POU2AF2: variants seen among roughly 807,000 people sequenced by gnomAD.
POU2AF2 encodes the protein POU domain class 2-associating factor 2.
chr11:111,263,666 C>A, the POU2AF2 span, among the ~76,000 whole-genome samples: 1 of 151,976 alleles, frequency 6.6e-6, no homozygotes, highest in African/African-American at 2.4e-5. Context: ...CTCCTGACCT[C>A]GTGATCTGCC....
chr11:111,274,183 G>A, the POU2AF2 span, among the ~76,000 whole-genome samples: 15 of 152,162 alleles, frequency 9.9e-5, no homozygotes, highest in Admixed American at 9.8e-4. Context: ...GGAGAAGCAA[G>A]TGGTAGCTCT....
the POU2AF2 span, chr11:111,281,424 A>G: frequency 5.0e-6 from 8 of 1,613,670 alleles, no homozygotes; most frequent in Non-Finnish European, 5.9e-6. Flanking sequence ...CTCAGTCTCC[A>G]TTTGTGCAGA....
chr11:111,268,475 T>C, the POU2AF2 span, among the ~76,000 whole-genome samples: 1 of 65,970 alleles, frequency 1.5e-5, no homozygotes, highest in Non-Finnish European at 3.7e-5. Flanking sequence ...TACATTTTTC[T>C]TTTTTTATTT....
the POU2AF2 span, among the ~76,000 whole-genome samples, chr11:111,262,390 A>T: frequency 6.6e-6 from 1 of 152,200 alleles, no homozygotes; most frequent in Non-Finnish European, 1.5e-5. Context: ...TTCCAGCAAG[A>T]CTGCTAGTTG....
chr11:111,267,394 C>T, the POU2AF2 span, among the ~76,000 whole-genome samples: 1 of 152,144 alleles, frequency 6.6e-6, no homozygotes, highest in Non-Finnish European at 1.5e-5. Context: ...CAGAGTGTGC[C>T]GTCCTGACCT....
chr11:111,276,420 A>G, the POU2AF2 span, among the ~76,000 whole-genome samples: 1 of 139,064 alleles, frequency 7.2e-6, no homozygotes, highest in Non-Finnish European at 1.5e-5. Flanking sequence ...ACATGGTGAA[A>G]CCCCATCTCT....
chr11:111,286,268 T>C, the POU2AF2 span: 2 of 532,486 alleles, frequency 3.8e-6, no homozygotes, highest in African/African-American at 4.0e-5. Context: ...GACCGTATTC[T>C]AGTAAGATAA....
the POU2AF2 span, among the ~76,000 whole-genome samples, chr11:111,282,082 GT>G: frequency 6.6e-6 from 1 of 151,936 alleles, no homozygotes; most frequent in Non-Finnish European, 1.5e-5. Flanking sequence ...TTGAAATTTG[GT>G]GGCATCTCCT....
the POU2AF2 span, among the ~76,000 whole-genome samples, chr11:111,268,206 T>C: frequency 2.6e-5 from 4 of 152,154 alleles, no homozygotes; most frequent in African/African-American, 7.2e-5. Flanking sequence ...GAATCTGTGA[T>C]GGGAAAAAGG....
the POU2AF2 span, among the ~76,000 whole-genome samples, chr11:111,249,091 C>A: frequency 6.6e-6 from 1 of 152,204 alleles, no homozygotes; most frequent in Non-Finnish European, 1.5e-5. Context: ...GAGTCGATTC[C>A]TATTAAATTT....
the POU2AF2 span, among the ~76,000 whole-genome samples, chr11:111,267,741 G>A: frequency 5.3e-5 from 8 of 152,188 alleles, no homozygotes; most frequent in South Asian, 4.2e-4. Flanking sequence ...CCCAGCCCCC[G>A]TGGTGTCTGG....
the POU2AF2 span, among the ~76,000 whole-genome samples, chr11:111,281,740 G>A: frequency 6.6e-6 from 1 of 152,176 alleles, no homozygotes; most frequent in Non-Finnish European, 1.5e-5. Flanking sequence ...TGATAGATGA[G>A]GCATCTGCTT....
chr11:111,285,897 C>T, the POU2AF2 span: 4 of 1,613,624 alleles, frequency 2.5e-6, no homozygotes, highest in South Asian at 2.2e-5. Flanking sequence ...TACCCCTTCA[C>T]CCCTTTCATG....
the POU2AF2 span, among the ~76,000 whole-genome samples, chr11:111,276,305 T>C: frequency 2.4e-4 from 37 of 151,326 alleles, no homozygotes; most frequent in Admixed American, 1.4e-3. Context: ...GAAAGACCAA[T>C]AGCAGATACT....
the POU2AF2 span, among the ~76,000 whole-genome samples, chr11:111,252,430 C>T: frequency 7.2e-5 from 11 of 152,080 alleles, no homozygotes; most frequent in Admixed American, 2.0e-4. Flanking sequence ...TGCTGCTGGT[C>T]CAGGGATCAC....
At chr11:111,270,271 C>A in the POU2AF2 span, among the ~76,000 whole-genome samples, 12 of 152,300 alleles carry the variant, frequency 7.9e-5, no homozygotes, top group Non-Finnish European at 7.3e-5. Flanking sequence ...TGCACTATTA[C>A]AAAAAATGCA....
At chr11:111,281,901 T>C in the POU2AF2 span, among the ~76,000 whole-genome samples, 1 of 152,154 alleles carries the variant, frequency 6.6e-6, no homozygotes, top group African/African-American at 2.4e-5. Context: ...CATTCTTGTA[T>C]AAACACACAC....
chr11:111,284,192 T>G, the POU2AF2 span: 1 of 1,614,176 alleles, frequency 6.2e-7, no homozygotes, highest in Admixed American at 1.7e-5. Flanking sequence ...GGGGAAGCCG[T>G]TTCCCTGTGA....
At chr11:111,265,956 G>C in the POU2AF2 span, among the ~76,000 whole-genome samples, 4 of 151,902 alleles carry the variant, frequency 2.6e-5, no homozygotes, top group African/African-American at 9.7e-5. Flanking sequence ...AGTCGAGATG[G>C]CTAGAGTTGA....
Sources: gnomAD v4.1 joint callset for allele counts (sites outside exome capture counted in the v4.1 genomes callset) on GRCh38, gnomAD v4.1.1 for gene constraint, MANE v1.5 for transcripts, NCBI Gene and HGNC (gene_info 2026-07-23, HGNC 2026-07-21) for gene names.